Variants in ANKRD36 observed in about 807,000 individuals in gnomAD.
The protein encoded by ANKRD36 is ankyrin repeat domain 36.
ANKRD36 carries 179 observed loss-of-function variants against 278.1 expected under a neutral mutation model. That is an observed-to-expected ratio of 0.64 (90% CI 0.57 to 0.73). The LOEUF is 0.73. ANKRD36 is among the 30% of genes least tolerant of loss of function. The probability of loss-of-function intolerance (pLI) is 0.00; values close to 1 mark genes in which losing one functional copy is unlikely to be tolerated. For synonymous variants in ANKRD36, 320 were observed against 641.1 expected (o/e 0.50, Z 7.57); for missense variants, 1,159 against 1,956.7 (o/e 0.59, Z 7.69).
intron 10 of ANKRD36, among the ~76,000 whole-genome samples, chr2:97,145,010 C>G (rs946668647): frequency 2.6e-5 from 4 of 151,846 alleles, no homozygotes; most frequent in African/African-American, 9.7e-5. Flanking sequence ...CAGCATGTCT[C>G]CATGAAGAGG....
intron 67 of ANKRD36, among the ~76,000 whole-genome samples, chr2:97,228,944 G>T (rs2070924258): frequency 6.6e-6 from 1 of 152,076 alleles, no homozygotes; most frequent in Non-Finnish European, 1.5e-5. Flanking sequence ...TAGTTGAGCG[G>T]TTTTGAGTGA....
intron 18 of ANKRD36, among the ~76,000 whole-genome samples, chr2:97,162,658 C>A (rs2049257640): frequency 6.8e-6 from 1 of 147,250 alleles, no homozygotes; most frequent in South Asian, 2.1e-4. Context: ...TGCTTTGGAG[C>A]TTACTGGAAG....
At chr2:97,199,076 A>G (rs1191402523) in intron 44 of ANKRD36, among the ~76,000 whole-genome samples, 2 of 151,912 alleles carry the variant, frequency 1.3e-5, no homozygotes, top group South Asian at 4.2e-4. Flanking sequence ...AGAACTAAGG[A>G]GACCCCTGGT....
At chr2:97,203,299 A>C (rs1245470803) in intron 48 of ANKRD36, among the ~76,000 whole-genome samples, 2 of 151,878 alleles carry the variant, frequency 1.3e-5, no homozygotes, top group Non-Finnish European at 2.9e-5. Context: ...GTGATTTCTG[A>C]ATGAAAAACT....
intron 11 of ANKRD36, among the ~76,000 whole-genome samples, chr2:97,148,213 T>C (rs1399807273): frequency 2.0e-5 from 3 of 152,420 alleles, no homozygotes; most frequent in South Asian, 4.1e-4. Context: ...AAATGTAGGA[T>C]TGGCCGGCAA....
chr2:97,121,078 AT>A (rs2036669026), intron 3 of ANKRD36, among the ~76,000 whole-genome samples: 1 of 151,988 alleles, frequency 6.6e-6, no homozygotes, highest in Non-Finnish European at 1.5e-5. Context: ...TTTATAATAT[AT>A]TTTAGTAAAT....
intron 62 of ANKRD36, among the ~76,000 whole-genome samples, chr2:97,215,990 G>T (rs1283278902): frequency 6.6e-6 from 1 of 151,954 alleles, no homozygotes; most frequent in Admixed American, 6.6e-5. Flanking sequence ...AAAAGAAGAA[G>T]TTATTTATGT....
intron 13 of ANKRD36, 40 bp from the exon 14 acceptor site, chr2:97,152,464 T>G: frequency 1.4e-6 from 2 of 1,392,530 alleles, no homozygotes; most frequent in Admixed American, 2.0e-5. Flanking sequence ...TATAGTGTTC[T>G]ATTGTTGATT....
rs557141509 is a variant in ANKRD36 at position 97,138,117 on chromosome 2, A to G, written c.800-4523A>G. Reference sequence around the variant, plus strand: ...CAGGGTAATCAGGCAAGAGAAAGAAATAAACGGTATTCAAATAGGAAGAAA... The same window carrying G: ...CAGGGTAATCAGGCAAGAGAAAGAAGTAAACGGTATTCAAATAGGAAGAAA... On this transcript the variant is annotated intron_variant, in intron 6 of 75. Coordinates refer to ENST00000420699, the MANE Select transcript of ANKRD36 (RefSeq NM_001354587.1). Among the ~76,000 whole-genome samples the G allele has an allele frequency of 1.1e-3, 163 of 151,632 alleles. 1 individual carries two copies. Among genetic ancestry groups the G allele is most frequent in the African/African-American group, 3.6e-3 (151 of 41,528 alleles).
chr2:97,116,332 G>A (rs1204018688), intron 1 of ANKRD36, among the ~76,000 whole-genome samples: 1 of 152,030 alleles, frequency 6.6e-6, no homozygotes, highest in African/African-American at 2.4e-5. Context: ...CTGGAGTGCA[G>A]TGGCATGATC....
chr2:97,150,063 G>A (rs1190804263), intron 12 of ANKRD36, among the ~76,000 whole-genome samples: 2 of 151,654 alleles, frequency 1.3e-5, no homozygotes, highest in Non-Finnish European at 2.9e-5. Context: ...AAAAAGTTGT[G>A]GAATATTAGA....
intron 58 of ANKRD36, chr2:97,213,030 T>G (rs2065083288): frequency 4.3e-6 from 2 of 468,116 alleles, no homozygotes; most frequent in Non-Finnish European, 3.7e-6. Flanking sequence ...GTGTAAATCC[T>G]TCTGATTTCT....
rs137909296 is a variant in ANKRD36, at chr2:97,116,450, A to G, written c.198-1614A>G. Among the ~76,000 whole-genome samples the G allele has an allele frequency of 2.0e-3, 307 of 151,684 alleles. 2 individuals are homozygous for G. The highest frequency in any genetic ancestry group is 7.2e-3 in the African/African-American group (296 of 41,390). ...CTCCATGCCCAGCTAATTTTTGTAT[A>G]TTTTAGTAAAGACGGGGTTCACCAT... is the stretch of plus-strand genomic sequence containing the variant. On this transcript the variant is annotated intron_variant, in intron 1 of 75. Transcript: ENST00000420699.
chr2:97,193,114 C>G (rs1158378759), intron 38 of ANKRD36, 61 bp downstream of exon 38: 2 of 1,413,492 alleles, frequency 1.4e-6, no homozygotes, highest in Non-Finnish European at 1.9e-6. Flanking sequence ...GTTCTCTTCC[C>G]TGAATAAATC....
At chr2:97,160,301 G>A (rs1419594977) in intron 17 of ANKRD36, among the ~76,000 whole-genome samples, 1 of 152,260 alleles carries the variant, frequency 6.6e-6, no homozygotes, top group Non-Finnish European at 1.5e-5. Context: ...TATTTTTATA[G>A]AATCGTAAGG....
chr2:97,149,184 G>T lies in ANKRD36; in HGVS notation c.1035-111G>T, dbSNP rs554467253. The T allele has an allele frequency of 8.4e-6, 7 of 832,098 alleles. No homozygotes were observed. In the South Asian group the frequency reaches 1.1e-4, roughly 13 times the overall value. 51.5% of individuals were successfully genotyped at this position (832,098 alleles called of 1,614,324 possible). On this transcript the variant is annotated intron_variant, in intron 11 of 75. Coordinates refer to ENST00000420699, the MANE Select transcript of ANKRD36 (RefSeq NM_001354587.1). ...ACATGCAGATAACTGAGTTTCCTCA[G>T]ACTTTGTTTTACCATTTTTTTGGAG...
chr2:97,204,202 T>C lies in ANKRD36; in HGVS notation c.3000T>C (p.Asp1000=), dbSNP rs553334409. The change falls in exon 50 of 76, where the codon GAT becomes GAC. Residue 1000 remains aspartate, a synonymous_variant. Transcript: ENST00000420699. ...CAAATTCCATTCAGGCTACAAGTGA[T>C]GAGAAAGATTCTGTTTTGAATATAG... The part of the protein sequence containing the change: ...EKPPGLKATS[D]EKDSVLNIAR... 4.1e-5 allele frequency: 65 copies of C among 1,584,158 alleles called. No individual in the cohort carries two copies. In the African/African-American group the frequency reaches 7.1e-4, roughly 17 times the overall value.
intron 42 of ANKRD36, 138 bp from the exon 43 acceptor site, chr2:97,198,325 C>T (rs911411031): frequency 6.6e-7 from 1 of 1,511,746 alleles, no homozygotes; most frequent in Non-Finnish European, 9.0e-7. Flanking sequence ...GTTCTAGTCC[C>T]CAGACACAAA....
At chr2:97,122,097 G>A (rs543791774) in intron 3 of ANKRD36, among the ~76,000 whole-genome samples, 30 of 107,476 alleles carry the variant, frequency 2.8e-4, no homozygotes, top group African/African-American at 7.5e-4. Context: ...AGATGACAAT[G>A]TCAGGTGCTC....
Sources: allele counts gnomAD v4.1 joint callset (sites outside exome capture counted in the v4.1 genomes callset), GRCh38; gene constraint gnomAD v4.1.1; transcripts MANE v1.5; gene names NCBI Gene and HGNC (gene_info 2026-07-23, HGNC 2026-07-21).